The following ADCY8 variants were observed in gnomAD, a reference collection of about 807,000 sequenced individuals.
The protein encoded by ADCY8 is adenylate cyclase type 8.
A neutral mutation model predicts 119.7 loss-of-function variants in ADCY8; 51 were observed. The observed-to-expected ratio is 0.43, with a 90% CI of 0.34 to 0.54. ADCY8 has a LOEUF of 0.54. Ranked by LOEUF, ADCY8 falls within the 20% of genes least tolerant of loss-of-function variation. The pLI, the probability that ADCY8 is intolerant of heterozygous loss-of-function variation, is 0.03. For missense variants in ADCY8, 1,383 were observed against 1,598.8 expected (o/e 0.87, Z 2.30); for synonymous variants, 665 against 651.0 (o/e 1.02, Z -0.33).
At chr8:130,850,344 A>T (rs926427787) in intron 9 of ADCY8, among the ~76,000 whole-genome samples, 1 of 152,106 alleles carries the variant, frequency 6.6e-6, no homozygotes, top group Non-Finnish European at 1.5e-5. Context: ...ATCACTCTCG[A>T]GTTTACATCT....
At chr8:130,823,652 A>G (rs1816586511) in intron 12 of ADCY8, among the ~76,000 whole-genome samples, 1 of 152,212 alleles carries the variant, frequency 6.6e-6, no homozygotes, top group Admixed American at 6.5e-5. Flanking sequence ...CTGATGTATC[A>G]CAAAAATTAA....
At chr8:130,792,679 C>T (rs1172981141) in intron 15 of ADCY8, among the ~76,000 whole-genome samples, 1 of 152,180 alleles carries the variant, frequency 6.6e-6, no homozygotes, top group Non-Finnish European at 1.5e-5. Flanking sequence ...CCTCCTTGGT[C>T]CTAGCCACCC....
At chr8:130,848,717 G>C (rs949156662) in intron 10 of ADCY8, among the ~76,000 whole-genome samples, 2 of 152,158 alleles carry the variant, frequency 1.3e-5, no homozygotes, top group Non-Finnish European at 2.9e-5. Context: ...CCAAGTTTAA[G>C]ACCTGGAACC....
chr8:131,003,983 AAAC>A (rs1280689714), intron 1 of ADCY8, among the ~76,000 whole-genome samples: 5 of 152,176 alleles, frequency 3.3e-5, no homozygotes, highest in Non-Finnish European at 5.9e-5. Flanking sequence ...AAATAAAAAC[AAAC>A]AACAACAACA....
At chr8:130,789,478 C>A (rs1024166955) in intron 15 of ADCY8, among the ~76,000 whole-genome samples, 1 of 152,114 alleles carries the variant, frequency 6.6e-6, no homozygotes, top group Admixed American at 6.6e-5. Flanking sequence ...TTTCCTTGTA[C>A]CCCAAGTCTA....
chr8:130,880,628 C>T (rs1818734852), intron 8 of ADCY8, among the ~76,000 whole-genome samples: 1 of 152,248 alleles, frequency 6.6e-6, no homozygotes, highest in South Asian at 2.1e-4. Flanking sequence ...GTCTCCTCTC[C>T]CCTATCCAGA....
intron 1 of ADCY8, among the ~76,000 whole-genome samples, chr8:131,008,211 C>A (rs1055087724): frequency 6.6e-6 from 1 of 152,146 alleles, no homozygotes; most frequent in Non-Finnish European, 1.5e-5. Context: ...CTTCAGCTCA[C>A]CCCTCCAAAC....
chr8:130,830,952 A>C (rs1355517641), intron 12 of ADCY8, among the ~76,000 whole-genome samples: 2 of 152,218 alleles, frequency 1.3e-5, no homozygotes, highest in Non-Finnish European at 2.9e-5. Context: ...TAGTGTGGAA[A>C]TAGTATCTTC....
At chr8:130,821,457 G>T (rs1390062610) in intron 12 of ADCY8, 37 bp from the exon 13 acceptor site, 2 of 1,517,422 alleles carry the variant, frequency 1.3e-6, no homozygotes, top group South Asian at 1.1e-5. Flanking sequence ...ACCATGGGGG[G>T]ACTTCAAGGA....
chr8:130,829,342 C>T (rs910615935), intron 12 of ADCY8, among the ~76,000 whole-genome samples: 2 of 152,074 alleles, frequency 1.3e-5, no homozygotes, highest in African/African-American at 4.8e-5. Context: ...TGGTCTGGTT[C>T]CCAGGTAAGA....
At chr8:130,823,709 A>C (rs1816588427) in intron 12 of ADCY8, among the ~76,000 whole-genome samples, 1 of 152,174 alleles carries the variant, frequency 6.6e-6, no homozygotes, top group Non-Finnish European at 1.5e-5. Flanking sequence ...AATTATAGTG[A>C]GTTTGGAAAC....
chr8:130,976,721 C>A lies in ADCY8; in HGVS notation c.1110+13672G>T, dbSNP rs76555859. On this transcript the variant is annotated intron_variant, in intron 2 of 17. Transcript: ENST00000286355. ...CATATTTTAATATCAATTGGAGGAG[C>A]TAATTTGGAAGTTGAAAGATAATTA... Among the ~76,000 whole-genome samples, 1,471 of 152,206 alleles carry A rather than the reference C, an allele frequency of 9.7e-3. 19 individuals are homozygous for A. Among genetic ancestry groups the A allele is most frequent in the African/African-American group, 0.033 (1,366 of 41,526 alleles).
chr8:130,788,716 A>G (rs1242566855), intron 15 of ADCY8, among the ~76,000 whole-genome samples: 1 of 152,200 alleles, frequency 6.6e-6, no homozygotes, highest in Non-Finnish European at 1.5e-5. Context: ...TATTATATAC[A>G]TGTATCAAAA....
intron 9 of ADCY8, among the ~76,000 whole-genome samples, chr8:130,866,510 C>T (rs1033958719): frequency 6.6e-5 from 10 of 152,272 alleles, no homozygotes; most frequent in African/African-American, 2.4e-4. Context: ...TTGCTATTGG[C>T]TCTTACATTT....
At chr8:131,006,017 TTC>T (rs144960309) in intron 1 of ADCY8, among the ~76,000 whole-genome samples, 7 of 150,768 alleles carry the variant, frequency 4.6e-5, no homozygotes, top group Non-Finnish European at 8.9e-5. Context: ...CCACTCCAAA[TTC>T]TCTCTCTCTC....
chr8:130,986,577 C>T (rs1563756445), intron 2 of ADCY8, among the ~76,000 whole-genome samples: 1 of 152,112 alleles, frequency 6.6e-6, no homozygotes, highest in Non-Finnish European at 1.5e-5. Flanking sequence ...TTCAACTCTA[C>T]CTGGGAGACA....
At chr8:130,918,438 A>G (rs1298009153) in intron 5 of ADCY8, among the ~76,000 whole-genome samples, 1 of 152,182 alleles carries the variant, frequency 6.6e-6, no homozygotes, top group East Asian at 1.9e-4. Context: ...GGGCTTCAAC[A>G]CAGGAATTTG....
At chr8:130,797,911 C>G (rs1334811817) in intron 15 of ADCY8, among the ~76,000 whole-genome samples, 1 of 152,158 alleles carries the variant, frequency 6.6e-6, no homozygotes, top group Non-Finnish European at 1.5e-5. Context: ...AAGTGAGAAA[C>G]AGTGCAACAC....
chr8:131,002,480 A>G (rs1303711053), intron 1 of ADCY8, among the ~76,000 whole-genome samples: 1 of 152,206 alleles, frequency 6.6e-6, no homozygotes, highest in African/African-American at 2.4e-5. Flanking sequence ...AACAGTTCCC[A>G]CCAACATCCT....
Sources: allele counts gnomAD v4.1 joint callset (sites outside exome capture counted in the v4.1 genomes callset), GRCh38; gene constraint gnomAD v4.1.1; transcripts MANE v1.5; gene names NCBI Gene and HGNC (gene_info 2026-07-23, HGNC 2026-07-21).